Variants in EPB41L3 observed in about 807,000 individuals in gnomAD.
EPB41L3 encodes the protein erythrocyte membrane protein band 4.1 like 3.
In EPB41L3, 57 loss-of-function variants were observed where a neutral mutation model predicts 127.1. The observed-to-expected ratio is 0.45, with a 90% CI of 0.36 to 0.56. EPB41L3 has a LOEUF of 0.56. Ranked by LOEUF, EPB41L3 falls within the 20% of genes least tolerant of loss-of-function variation. EPB41L3 has a pLI of 0.00. For missense variants in EPB41L3, 1,273 were observed against 1,372.2 expected, an observed-to-expected ratio of 0.93 and a Z score of 1.14; for synonymous variants, 572 against 549.5, an observed-to-expected ratio of 1.04 and a Z score of -0.57.
At chr18:5,561,961 G>C (rs2094140781) in intron 3 of EPB41L3, among the ~76,000 whole-genome samples, 1 of 152,150 alleles carries the variant, frequency 6.6e-6, no homozygotes, top group Admixed American at 6.5e-5. Flanking sequence ...GAAATGATGA[G>C]ATACTCTTCA....
At chr18:5,497,455 A>T (rs8095556) in intron 1 of EPB41L3, among the ~76,000 whole-genome samples, 23,114 of 152,124 alleles carry the variant, frequency 0.15, 1,873 homozygotes, top group Non-Finnish European at 0.17. Context: ...AGAAGCTCTC[A>T]CTGCAGCTTT....
At chr18:5,510,715 A>G (rs2092468340) in intron 1 of EPB41L3, among the ~76,000 whole-genome samples, 4 of 152,198 alleles carry the variant, frequency 2.6e-5, no homozygotes. Flanking sequence ...CTCAGCAGAG[A>G]GCAGCAGTTT....
rs1429022713 is a variant in EPB41L3, at chr18:5,557,043, G to C, written c.-306+55297C>G. On this transcript the variant is annotated intron_variant, in intron 3 of 21. Transcript: ENST00000545076. ...ACACATAGCTGCAAAAGCTGAGCAG[G>C]AAGGCCCTTGGAGAACCAGCCCATT... 2.6e-5 allele frequency among the ~76,000 whole-genome samples: 4 copies of C among 152,246 alleles called. No individual in the cohort carries two copies. In the East Asian group the frequency reaches 7.8e-4, roughly 30 times the overall value.
At chr18:5,563,535 G>A (rs534091470) in intron 3 of EPB41L3, among the ~76,000 whole-genome samples, 57 of 152,278 alleles carry the variant, frequency 3.7e-4, no homozygotes, top group African/African-American at 1.2e-3. Flanking sequence ...AAGATGGATT[G>A]AGGAATATGC....
At chr18:5,442,570 C>T (rs1208606276) in intron 5 of EPB41L3, among the ~76,000 whole-genome samples, 2 of 152,106 alleles carry the variant, frequency 1.3e-5, no homozygotes, top group African/African-American at 4.8e-5. Flanking sequence ...TATTTGCTTG[C>T]TCTTTTAATA....
chr18:5,502,030 C>CCCTCCTG (rs149341118), intron 1 of EPB41L3, among the ~76,000 whole-genome samples: 1,850 of 151,778 alleles, frequency 0.012, 17 homozygotes, highest in Non-Finnish European at 0.019. Flanking sequence ...TCGCCATCTT[C>CCCTCCTG]CCTCCTGCCT....
At chr18:5,609,038 T>A (rs974073320) in intron 3 of EPB41L3, among the ~76,000 whole-genome samples, 1 of 152,196 alleles carries the variant, frequency 6.6e-6, no homozygotes, top group East Asian at 1.9e-4. Context: ...ATTCAATACA[T>A]TTTTAGAAAT....
At chr18:5,409,629 T>G (rs2075940967) in intron 14 of EPB41L3, among the ~76,000 whole-genome samples, 1 of 151,958 alleles carries the variant, frequency 6.6e-6, no homozygotes, top group Admixed American at 6.6e-5. Context: ...TATTTTCAAT[T>G]AAGTGATATA....
At chr18:5,481,565 T>C (rs1299749061) in intron 2 of EPB41L3, among the ~76,000 whole-genome samples, 1 of 152,082 alleles carries the variant, frequency 6.6e-6, no homozygotes, top group African/African-American at 2.4e-5. Flanking sequence ...GGGAAGGAAG[T>C]GATGTGACTC....
At chr18:5,395,977 G>A (rs2073365703) in intron 19 of EPB41L3, among the ~76,000 whole-genome samples, 1 of 152,090 alleles carries the variant, frequency 6.6e-6, no homozygotes, top group Non-Finnish European at 1.5e-5. Context: ...AGGTTTCTGA[G>A]CCTTTTTCTA....
chr18:5,499,544 A>T (rs2091529148), intron 1 of EPB41L3, among the ~76,000 whole-genome samples: 1 of 152,056 alleles, frequency 6.6e-6, no homozygotes, highest in Admixed American at 6.6e-5. Context: ...TGGGTGGATC[A>T]CGAGGTCAGG....
At chr18:5,621,593 T>C (rs2094863274) in intron 1 of EPB41L3, among the ~76,000 whole-genome samples, 1 of 151,766 alleles carries the variant, frequency 6.6e-6, no homozygotes, top group African/African-American at 2.4e-5. Context: ...AGAAAAAAAA[T>C]AGCGAGATAT....
rs569619280 is a variant in EPB41L3 at position 5,511,941 on chromosome 18, A to G, written c.-11-22747T>C. Among the ~76,000 whole-genome samples, 9 of 152,354 alleles carry G rather than the reference A, an allele frequency of 5.9e-5. No individual in the cohort carries two copies. The South Asian group carries it at 1.9e-3, about 32-fold the overall frequency. On this transcript the variant is annotated intron_variant, in intron 1 of 22. Coordinates refer to ENST00000341928, the MANE Select transcript of EPB41L3 (RefSeq NM_012307.5). Reference sequence around the variant, plus strand: ...TTCAAAAGGCTTCCAGAGTAAAGTAATATTTGAGAATAACTACTTCAAAAT... The same window carrying G: ...TTCAAAAGGCTTCCAGAGTAAAGTAGTATTTGAGAATAACTACTTCAAAAT...
chr18:5,409,643 A>G (rs1182999132), intron 14 of EPB41L3, among the ~76,000 whole-genome samples: 1 of 152,114 alleles, frequency 6.6e-6, no homozygotes, highest in South Asian at 2.1e-4. Flanking sequence ...TGATATACAG[A>G]TACCACTTAC....
chr18:5,403,630 G>A (rs2074888772), intron 16 of EPB41L3, among the ~76,000 whole-genome samples: 1 of 148,448 alleles, frequency 6.7e-6, no homozygotes, highest in South Asian at 2.1e-4. Context: ...GCTTTGGGAA[G>A]TCATAAGTTT....
intron 5 of EPB41L3, 50 bp downstream of exon 5, chr18:5,443,788 C>T: frequency 6.6e-7 from 1 of 1,503,850 alleles, no homozygotes. Flanking sequence ...AGACAACTTG[C>T]TCTCTGAAAA....
intron 2 of EPB41L3, chr18:5,480,040 G>A (rs1374718549): frequency 6.6e-6 from 1 of 152,116 alleles, no homozygotes; most frequent in Non-Finnish European, 1.5e-5. Context: ...GTCATTAGAA[G>A]CTATTAATAC....
upstream of EPB41L3, among the ~76,000 whole-genome samples, chr18:5,630,108 C>T (rs2094976140): frequency 6.6e-6 from 1 of 152,192 alleles, no homozygotes; most frequent in Non-Finnish European, 1.5e-5. Context: ...CGGTCGATCC[C>T]GGTCAGCTTA....
Position 5,485,363 on chromosome 18 carries a change from C to A in EPB41L3, c.183+3638G>T, listed in dbSNP as rs1407628053. ...GAACATACCCCGAAATAATACACAC[C>A]ATATATGAAAAACCCAAATTAGCAT... is the stretch of plus-strand genomic sequence containing the variant. On this transcript the variant is annotated intron_variant, in intron 2 of 22. Coordinates refer to ENST00000341928, the MANE Select transcript of EPB41L3 (RefSeq NM_012307.5). Among the ~76,000 whole-genome samples the A allele has an allele frequency of 2.6e-5, 4 of 151,776 alleles. No homozygotes were observed. In the East Asian group the frequency reaches 7.7e-4, roughly 29 times the overall value.
Sources: gnomAD v4.1 joint callset for allele counts (sites outside exome capture counted in the v4.1 genomes callset) on GRCh38, gnomAD v4.1.1 for gene constraint, MANE v1.5 for transcripts, NCBI Gene and HGNC (gene_info 2026-07-23, HGNC 2026-07-21) for gene names.